The following CRB1 variants were observed in gnomAD, a reference collection of about 807,000 sequenced individuals.
CRB1 encodes protein crumbs homolog 1.
Under a neutral mutation model 120.0 loss-of-function variants are expected in CRB1, and 83 were observed. The ratio of observed to expected loss-of-function variants is 0.69; its 90% confidence interval spans 0.58 to 0.83. The LOEUF (loss-of-function observed/expected upper bound fraction) is 0.83. Among genes scored for constraint, CRB1 ranks in the 40% least tolerant of loss-of-function variants. The pLI is 0.00. For synonymous variants in CRB1, 625 were observed against 612.5 expected (o/e 1.02, Z -0.30); for missense variants, 1,699 against 1,687.6 (o/e 1.01, Z -0.12).
At chr1:197,350,448 G>T (rs1222770284) in intron 4 of CRB1, among the ~76,000 whole-genome samples, 1 of 152,236 alleles carries the variant, frequency 6.6e-6, no homozygotes, top group Non-Finnish European at 1.5e-5. Context: ...AGGAGGGCGA[G>T]AGTTTGTAAT....
chr1:197,333,208 G>C (rs1442279560), intron 2 of CRB1, among the ~76,000 whole-genome samples: 1 of 152,214 alleles, frequency 6.6e-6, no homozygotes, highest in Non-Finnish European at 1.5e-5. Context: ...TTCACACTGC[G>C]TGAATTCTCC....
At chr1:197,410,571 T>G (rs1353119239) in intron 5 of CRB1, among the ~76,000 whole-genome samples, 3 of 152,232 alleles carry the variant, frequency 2.0e-5, no homozygotes, top group Non-Finnish European at 4.4e-5. Context: ...CATTTAATCC[T>G]TATTAGTGGC....
At position 197,478,089 on chromosome 1, in the gene CRB1, A is replaced by C. The variant is rs1667280463; in HGVS notation, c.*210A>C. 4 of 586,636 alleles carry C rather than the reference A, an allele frequency of 6.8e-6. No individual in the cohort carries two copies. The Admixed American group carries it at 8.7e-5, about 13-fold the overall frequency. 36.3% of individuals were successfully genotyped at this position (586,636 alleles called of 1,614,324 possible). A position where few individuals can be genotyped will look rare whatever the true frequency, so the allele number is the denominator to read the frequency against. On this transcript the variant is annotated 3_prime_UTR_variant, in exon 12 of 12. Transcript: ENST00000367400. ...TATTATATCAGCCAATTGCAAAAAA[A>C]GTCTGTGCCAGTAATTTCAGCCTTA...
chr1:197,354,772 A>G, intron 4 of CRB1, among the ~76,000 whole-genome samples: 1 of 116,058 alleles, frequency 8.6e-6, no homozygotes, highest in African/African-American at 3.3e-5. Flanking sequence ...GCACGTTGCC[A>G]CTGCTGGCTC....
rs988534225 is a variant in CRB1 at position 197,347,338 on chromosome 1, A to G, written c.849-2A>G. 3.7e-6 allele frequency: 6 copies of G among 1,613,452 alleles called. No individual in the cohort carries two copies. The highest frequency in any genetic ancestry group is 1.7e-5 in the Admixed American group (1 of 60,022). On this transcript the variant is annotated splice_acceptor_variant, in intron 3 of 11. Transcript: ENST00000367400. LOFTEE classifies it high-confidence loss of function. ...GACATGAAAATTTCATTTACTTTCCAGATATAGCTGTAACTGCACGGGTAG... is the reference window on the plus strand; with the variant it reads ...GACATGAAAATTTCATTTACTTTCCGGATATAGCTGTAACTGCACGGGTAG...
intron 5 of CRB1, among the ~76,000 whole-genome samples, chr1:197,405,044 C>T (rs946630802): frequency 7.2e-5 from 11 of 151,778 alleles, no homozygotes; most frequent in South Asian, 4.2e-4. Context: ...TGCTCGCCCT[C>T]GCCCTCTCCC....
chr1:197,233,791 A>G, the CRB1 span, among the ~76,000 whole-genome samples: 1 of 152,206 alleles, frequency 6.6e-6, no homozygotes, highest in East Asian at 1.9e-4. Context: ...AGGGCAGCCA[A>G]TGACTGAGTA....
At chr1:197,376,330 A>G (rs958115629) in intron 5 of CRB1, among the ~76,000 whole-genome samples, 2 of 152,224 alleles carry the variant, frequency 1.3e-5, no homozygotes, top group Admixed American at 1.3e-4. Context: ...ATTTTCAAAC[A>G]TAACATAACC....
the CRB1 span, among the ~76,000 whole-genome samples, chr1:197,263,035 G>T: frequency 2.0e-5 from 3 of 152,074 alleles, no homozygotes; most frequent in East Asian, 3.9e-4. Context: ...TTTCCTTTGG[G>T]TATATACCCA....
intron 2 of CRB1, among the ~76,000 whole-genome samples, chr1:197,330,676 G>A (rs1211330109): frequency 5.9e-5 from 9 of 152,118 alleles, no homozygotes; most frequent in Non-Finnish European, 1.2e-4. Context: ...TTTCCAGCTG[G>A]AATAATAATT....
chr1:197,431,387 A>G (rs1474487999), intron 8 of CRB1, among the ~76,000 whole-genome samples: 2 of 152,218 alleles, frequency 1.3e-5, no homozygotes, highest in Non-Finnish European at 2.9e-5. Context: ...TGGCATAAAT[A>G]AGGTAAATTG....
chr1:197,435,007 C>G lies in CRB1; in HGVS notation c.3144C>G (p.Thr1048=). The G allele has an allele frequency of 6.2e-7, 1 of 1,613,944 alleles. No homozygotes were observed. Among genetic ancestry groups the G allele is most frequent in the Non-Finnish European group, 8.5e-7 (1 of 1,179,892 alleles). The change falls in exon 9 of 12, where the codon ACC becomes ACG. Residue 1048 remains threonine (T), a synonymous_variant. Coordinates refer to ENST00000367400, the MANE Select transcript of CRB1 (RefSeq NM_201253.3). ...TLSMTDPLSQ[T]SRWQMEVDNE... is the part of the protein sequence containing the mutation. ...CCATGACAGACCCACTGTCCCAGAC[C>G]TCCAGGTGGCAAATGGAAGTGGACA... is the stretch of plus-strand genomic sequence containing the variant.
intron 6 of CRB1, among the ~76,000 whole-genome samples, chr1:197,422,415 T>C (rs1664383662): frequency 6.6e-6 from 1 of 152,158 alleles, no homozygotes; most frequent in South Asian, 2.1e-4. Context: ...TTGCTCTCCT[T>C]TCCATGCAAT....
the CRB1 span, among the ~76,000 whole-genome samples, chr1:197,238,968 A>G: frequency 1.3e-5 from 2 of 152,208 alleles, no homozygotes; most frequent in Non-Finnish European, 2.9e-5. Context: ...TGGTGTCTTC[A>G]CATCCTAGTC....
intron 5 of CRB1, among the ~76,000 whole-genome samples, chr1:197,375,004 C>A (rs937605729): frequency 2.0e-5 from 3 of 152,170 alleles, no homozygotes; most frequent in African/African-American, 7.2e-5. Context: ...TTCCCTCTTT[C>A]ACCTACCATT....
At chr1:197,413,864 C>A (rs1663831548) in intron 5 of CRB1, 1 of 454,058 alleles carries the variant, frequency 2.2e-6, no homozygotes, top group Non-Finnish European at 4.4e-6. Flanking sequence ...CAAGCCCACA[C>A]TTCTGGATAT....
At chr1:197,449,186 C>T (rs1302577816) in intron 11 of CRB1, among the ~76,000 whole-genome samples, 1 of 152,004 alleles carries the variant, frequency 6.6e-6, no homozygotes, top group African/African-American at 2.4e-5. Context: ...CAGTTAATTC[C>T]AACACCTAGG....
intron 1 of CRB1, among the ~76,000 whole-genome samples, chr1:197,316,918 A>AG (rs961787151): frequency 6.6e-6 from 1 of 151,850 alleles, no homozygotes; most frequent in East Asian, 1.9e-4. Context: ...TACAAAAAAA[A>AG]AAAACAAAAA....
intron 1 of CRB1, among the ~76,000 whole-genome samples, chr1:197,303,388 T>A (rs1195313836): frequency 6.7e-6 from 1 of 149,958 alleles, no homozygotes; most frequent in South Asian, 2.1e-4. Flanking sequence ...TGGTGTTTGG[T>A]TTTTTGTATG....
Sources: gnomAD v4.1 joint callset for allele counts (sites outside exome capture counted in the v4.1 genomes callset) on GRCh38, gnomAD v4.1.1 for gene constraint, MANE v1.5 for transcripts, NCBI Gene and HGNC (gene_info 2026-07-23, HGNC 2026-07-21) for gene names.